NTN1: variants seen among roughly 807,000 people sequenced by gnomAD.
NTN1 encodes the protein netrin 1, also known as netrin-1.
Under a neutral mutation model 54.2 loss-of-function variants are expected in NTN1, and 11 were observed. The ratio of observed to expected loss-of-function variants is 0.20; its 90% CI spans 0.13 to 0.34. The LOEUF (loss-of-function observed/expected upper bound fraction) is 0.34, where lower values mean the gene tolerates loss of function less well. Among genes scored for constraint, NTN1 ranks in the 10% least tolerant of loss-of-function variants. The pLI is 1.00. For missense variants in NTN1, 740 were observed against 893.1 expected, an observed-to-expected ratio of 0.83 and a Z score of 2.18; for synonymous variants, 371 against 382.0, an observed-to-expected ratio of 0.97 and a Z score of 0.33.
At chr17:9,048,627 CT>C (rs2091948926) in intron 2 of NTN1, among the ~76,000 whole-genome samples, 1 of 152,038 alleles carries the variant, frequency 6.6e-6, no homozygotes, top group South Asian at 2.1e-4. Flanking sequence ...TTTGTCTACA[CT>C]GAAAATCTGT....
chr17:9,012,663 C>T, the NTN1 span, among the ~76,000 whole-genome samples: 2 of 152,152 alleles, frequency 1.3e-5, no homozygotes, highest in African/African-American at 4.8e-5. Flanking sequence ...TTCTGCTCTA[C>T]TGGATCCTTC....
chr17:9,028,135 G>A (rs1275362408), intron 2 of NTN1, among the ~76,000 whole-genome samples: 1 of 151,990 alleles, frequency 6.6e-6, no homozygotes, highest in Non-Finnish European at 1.5e-5. Context: ...CAAAAAAAAA[G>A]AAGGCCTTCT....
chr17:9,074,565 G>A (rs1295951095), intron 2 of NTN1, among the ~76,000 whole-genome samples: 1 of 152,224 alleles, frequency 6.6e-6, no homozygotes, highest in African/African-American at 2.4e-5. Context: ...ACACGCCCAA[G>A]TAGACAGATC....
At chr17:9,026,581 G>A (rs1373254604) in intron 2 of NTN1, among the ~76,000 whole-genome samples, 1 of 152,146 alleles carries the variant, frequency 6.6e-6, no homozygotes, top group African/African-American at 2.4e-5. Context: ...GCATGGTGGG[G>A]CTGTGTGTAC....
chr17:9,188,492 A>G lies in NTN1; in HGVS notation c.1411+5523A>G, dbSNP rs1904352248. Among the ~76,000 whole-genome samples the G allele has an allele frequency of 2.0e-5, 3 of 150,980 alleles. No individual in the cohort carries two copies. The South Asian group carries it at 6.3e-4, about 32-fold the overall frequency. ...TTGCCACAATTAAAAAATAAAAACA[A>G]AAAAGTCAAGTGCTTTGGGTCAGAG... On this transcript the variant is annotated intron_variant, in intron 5 of 6. Transcript: ENST00000173229.
Position 9,023,316 on chromosome 17 carries a change from T to G in NTN1, c.943T>G (p.Cys315Gly). ...DCRHNTAGPE[C>G]DRCKPFHYDR... ...CAGGCACAACACGGCCGGCCCGGAG[T>G]GCGACCGCTGCAAGCCCTTCCACTA... The change falls in exon 2 of 7, where the codon TGC becomes GGC. Residue 315 changes from cysteine (C) to glycine (G), a missense_variant. Physicochemically the swap from Cys to Gly is radical, Grantham distance 159. Coordinates refer to ENST00000173229, the MANE Select transcript of NTN1 (RefSeq NM_004822.3). 1 of 1,538,588 alleles carries G rather than the reference T, an allele frequency of 6.5e-7. No homozygotes were observed. Among genetic ancestry groups the G allele is most frequent in the Non-Finnish European group, 8.7e-7 (1 of 1,144,948 alleles).
At position 9,243,041 on chromosome 17, in the gene NTN1, G is replaced by C. The variant is rs978931958; in HGVS notation, c.*3073G>C. On this transcript the variant is annotated 3_prime_UTR_variant, in exon 7 of 7. Transcript: ENST00000173229. ...CTTTGTTTTTGAAACAGCTTCCCCA[G>C]TTGTCCTTTTTCTTACCAGCTGGGT... 2.8e-5 allele frequency: 4 copies of C among 145,404 alleles called. No homozygotes were observed. Among genetic ancestry groups the C allele is most frequent in the African/African-American group, 1.1e-4 (4 of 35,058 alleles). 9.0% of individuals were successfully genotyped at this position (145,404 alleles called of 1,614,324 possible).
intron 2 of NTN1, among the ~76,000 whole-genome samples, chr17:9,124,680 T>C (rs1365501512): frequency 3.9e-5 from 6 of 152,206 alleles, no homozygotes; most frequent in East Asian, 3.9e-4. Flanking sequence ...TGCCATGTCA[T>C]AGAGGATGAC....
chr17:9,049,343 T>G (rs1395852360), intron 2 of NTN1, among the ~76,000 whole-genome samples: 1 of 152,064 alleles, frequency 6.6e-6, no homozygotes, highest in Non-Finnish European at 1.5e-5. Flanking sequence ...AACCTAAAGA[T>G]GCCACCTGAA....
chr17:9,198,971 G>A (rs765619815), intron 5 of NTN1, among the ~76,000 whole-genome samples: 3 of 152,166 alleles, frequency 2.0e-5, no homozygotes, highest in Non-Finnish European at 4.4e-5. Context: ...GGGGAACAGT[G>A]ACTTGGGCCC....
chr17:9,092,860 G>A (rs1024033105), intron 2 of NTN1, among the ~76,000 whole-genome samples: 12 of 152,070 alleles, frequency 7.9e-5, no homozygotes, highest in South Asian at 2.1e-4. Context: ...CCAGGTTCAC[G>A]CCATTCTCCT....
At chr17:9,237,370 C>G (rs1906026796) in intron 6 of NTN1, among the ~76,000 whole-genome samples, 1 of 152,176 alleles carries the variant, frequency 6.6e-6, no homozygotes, top group African/African-American at 2.4e-5. Flanking sequence ...CTTAATTATA[C>G]TTAACATTTT....
rs78379826 is a variant in NTN1, at chr17:9,076,674, C to T, written c.1018+53283C>T. ...TATAGGCATGAGCCATTGCGCCCGG[C>T]CTAGGTTCCCTACTTTAGATTAGCT... is the stretch of plus-strand genomic sequence containing the variant. On this transcript the variant is annotated intron_variant, in intron 2 of 6. Coordinates refer to ENST00000173229, the MANE Select transcript of NTN1 (RefSeq NM_004822.3). Among the ~76,000 whole-genome samples, 1,165 of 152,334 alleles carry T rather than the reference C, an allele frequency of 7.6e-3. 16 individuals are homozygous for T. Among genetic ancestry groups the T allele is most frequent in the African/African-American group, 0.027 (1,119 of 41,568 alleles).
chr17:9,018,623 TAA>T (rs57153983), upstream of NTN1, among the ~76,000 whole-genome samples: 27,970 of 112,408 alleles, frequency 0.25, 3,536 homozygotes, highest in South Asian at 0.39. Flanking sequence ...GACTCCATCT[TAA>T]AAAAAAAAAA....
At chr17:9,230,105 G>A (rs3786001) in intron 6 of NTN1, among the ~76,000 whole-genome samples, 45,491 of 152,062 alleles carry the variant, frequency 0.3, 7,029 homozygotes, top group African/African-American at 0.39. Context: ...TCTTGACCTT[G>A]GAGTCAATGG....
In NTN1 at chr17:9,210,905, GAAAAAAAAAAAA is replaced by G. The variant is rs58541910; in HGVS notation, c.1412-10242_1412-10231del. On this transcript the variant is annotated intron_variant, in intron 5 of 6. Transcript: ENST00000173229. Reference sequence around the variant, plus strand: ...TGGGCTACAGAGTGAGACTCCATCTGAAAAAAAAAAAAAAAAAAAAAAAAAAAAAAAAGCCTC... The same window carrying G: ...TGGGCTACAGAGTGAGACTCCATCTGAAAAAAAAAAAAAAAAAAAAGCCTC... Among the ~76,000 whole-genome samples, 24 of 23,492 alleles carry G rather than the reference GAAAAAAAAAAAA, an allele frequency of 1.0e-3. No homozygotes were observed. In the East Asian group the frequency reaches 0.014, roughly 14 times the overall value. The allele number at this position is 23,492 out of a possible 152,430, so 15.4% of individuals were successfully genotyped here.
At chr17:9,020,716 G>C (rs1214411966), upstream of NTN1, among the ~76,000 whole-genome samples, 1 of 152,192 alleles carries the variant, frequency 6.6e-6, no homozygotes, top group East Asian at 1.9e-4. Flanking sequence ...TGCCTCAGGG[G>C]ATCTGGGGAG....
intron 6 of NTN1, among the ~76,000 whole-genome samples, chr17:9,230,067 TC>T (rs201557870): frequency 7.0e-3 from 56 of 8,002 alleles, no homozygotes; most frequent in African/African-American, 0.056. Flanking sequence ...GACGGACTCT[TC>T]CCCCTCAGCA....
the NTN1 span, among the ~76,000 whole-genome samples, chr17:9,013,771 C>T: frequency 3.3e-5 from 5 of 152,220 alleles, no homozygotes; most frequent in East Asian, 1.9e-4. Context: ...GGCTCAGAGG[C>T]CCCCCACTAT....
Sources: allele counts gnomAD v4.1 joint callset (sites outside exome capture counted in the v4.1 genomes callset), GRCh38; gene constraint gnomAD v4.1.1; transcripts MANE v1.5; gene names NCBI Gene and HGNC (gene_info 2026-07-23, HGNC 2026-07-21).